The following EEFSEC variants were observed in gnomAD, a reference collection of about 807,000 sequenced individuals.
EEFSEC encodes eukaryotic elongation factor, selenocysteine-tRNA specific, also known as selenocysteine-specific elongation factor.
In EEFSEC, 43 loss-of-function variants were observed where a neutral mutation model predicts 42.1. The ratio of observed to expected loss-of-function variants is 1.02; its 90% CI spans 0.80 to 1.32. EEFSEC has a LOEUF of 1.32. Among genes scored for constraint, EEFSEC ranks in the 40% most tolerant of loss-of-function variants. The probability of loss-of-function intolerance (pLI) is 0.00; values close to 1 mark genes in which losing one functional copy is unlikely to be tolerated. For synonymous variants in EEFSEC, 354 were observed against 339.1 expected (o/e 1.04, Z -0.48); for missense variants, 745 against 803.6 (o/e 0.93, Z 0.88).
chr3:128,245,450 G>A (rs1206277296), intron 1 of EEFSEC, among the ~76,000 whole-genome samples: 2 of 152,198 alleles, frequency 1.3e-5, no homozygotes, highest in African/African-American at 4.8e-5. Context: ...CTGCTGCTGC[G>A]TGCACCTGAG....
intron 5 of EEFSEC, 117 bp downstream of exon 5, chr3:128,342,006 A>G: frequency 7.4e-7 from 1 of 1,359,572 alleles, no homozygotes; most frequent in East Asian, 2.5e-5. Flanking sequence ...TCTGGTGCCA[A>G]CCTCTGTAGT....
rs2065300117 is a variant in EEFSEC, at chr3:128,171,831, T to C, written c.316+18008T>C. On this transcript the variant is annotated intron_variant, in intron 1 of 6. Transcript: ENST00000254730. ...TTCAACCAATTGAAGATTGAAAATA[T>C]TAAAAAAAAAAAAAATGAAAACAAC... Among the ~76,000 whole-genome samples, 7 of 105,684 alleles carry C rather than the reference T, an allele frequency of 6.6e-5. No homozygotes were observed. In the South Asian group the frequency reaches 1.9e-3, roughly 29 times the overall value. 69.3% of individuals were successfully genotyped at this position (105,684 alleles called of 152,430 possible).
chr3:128,386,480 T>TGGGG (rs373890750), intron 6 of EEFSEC, among the ~76,000 whole-genome samples: 4,241 of 147,104 alleles, frequency 0.029, 79 homozygotes, highest in African/African-American at 0.056. Flanking sequence ...AGACAGGCAG[T>TGGGG]GGGGGGGGGA....
intron 6 of EEFSEC, among the ~76,000 whole-genome samples, chr3:128,363,418 T>C (rs747331286): frequency 6.6e-6 from 1 of 152,244 alleles, no homozygotes; most frequent in African/African-American, 2.4e-5. Context: ...CACACCATGA[T>C]GCCTTATAGG....
intron 1 of EEFSEC, among the ~76,000 whole-genome samples, chr3:128,194,561 A>C (rs2065561646): frequency 6.6e-6 from 1 of 152,226 alleles, no homozygotes; most frequent in African/African-American, 2.4e-5. Flanking sequence ...TCTTTCAGGG[A>C]ATAATCTGAA....
At chr3:128,264,148 G>A (rs1388100469) in intron 3 of EEFSEC, among the ~76,000 whole-genome samples, 1 of 152,194 alleles carries the variant, frequency 6.6e-6, no homozygotes, top group Non-Finnish European at 1.5e-5. Context: ...GCTGGCGGCT[G>A]GCTTCTGGCA....
intron 6 of EEFSEC, among the ~76,000 whole-genome samples, chr3:128,376,899 G>A (rs1187763058): frequency 6.6e-6 from 1 of 152,122 alleles, no homozygotes; most frequent in African/African-American, 2.4e-5. Context: ...TCACACTGTG[G>A]GCTAATTTCC....
At chr3:128,162,344 A>G (rs1009587748) in intron 1 of EEFSEC, among the ~76,000 whole-genome samples, 5 of 152,352 alleles carry the variant, frequency 3.3e-5, no homozygotes, top group Admixed American at 2.6e-4. Context: ...CACTTGCTTC[A>G]AAGACTCTTA....
At chr3:128,367,891 G>A (rs990574073) in intron 6 of EEFSEC, 82 of 975,010 alleles carry the variant, frequency 8.4e-5, no homozygotes, top group African/African-American at 7.9e-4. Context: ...TCAGGCTAGG[G>A]CTCTGCTGAA....
chr3:128,296,844 C>T (rs2066711560), intron 4 of EEFSEC, among the ~76,000 whole-genome samples: 1 of 152,162 alleles, frequency 6.6e-6, no homozygotes, highest in Non-Finnish European at 1.5e-5. Context: ...GGCCAGAAGG[C>T]CCCCAGTGGC....
intron 3 of EEFSEC, among the ~76,000 whole-genome samples, chr3:128,262,866 A>C (rs2066312825): frequency 6.6e-6 from 1 of 152,208 alleles, no homozygotes; most frequent in African/African-American, 2.4e-5. Flanking sequence ...ATGGAGCCAC[A>C]GAGTTCCTCC....
chr3:128,420,039 G>T, the EEFSEC span, among the ~76,000 whole-genome samples: 1 of 152,198 alleles, frequency 6.6e-6, no homozygotes. Context: ...GACAGAGACA[G>T]TGAGAGGCGC....
intron 1 of EEFSEC, among the ~76,000 whole-genome samples, chr3:128,188,632 T>G (rs1338209836): frequency 1.3e-5 from 2 of 152,234 alleles, no homozygotes; most frequent in Non-Finnish European, 2.9e-5. Flanking sequence ...TTGGTATTAT[T>G]GTTCCACAGT....
At chr3:128,418,388 C>T in the EEFSEC span, among the ~76,000 whole-genome samples, 93 of 151,828 alleles carry the variant, frequency 6.1e-4, no homozygotes, top group Admixed American at 7.2e-4. Flanking sequence ...CAACAGCAGG[C>T]GGCTCTGCCC....
At chr3:128,356,059 G>A (rs2067449535) in intron 5 of EEFSEC, among the ~76,000 whole-genome samples, 1 of 152,228 alleles carries the variant, frequency 6.6e-6, no homozygotes, top group African/African-American at 2.4e-5. Flanking sequence ...AAAGGCTGTG[G>A]GCTGTGAGAT....
intron 6 of EEFSEC, among the ~76,000 whole-genome samples, chr3:128,389,715 A>AT (rs1276790413): frequency 2.0e-5 from 3 of 152,266 alleles, no homozygotes; most frequent in Non-Finnish European, 4.4e-5. Flanking sequence ...GGAGCATGGC[A>AT]TGCTTGACCT....
intron 4 of EEFSEC, among the ~76,000 whole-genome samples, chr3:128,304,848 C>T (rs1055836105): frequency 2.0e-5 from 3 of 152,128 alleles, no homozygotes; most frequent in African/African-American, 2.4e-5. Context: ...GGGCCACAGG[C>T]GTGTACCACC....
Position 128,408,525 on chromosome 3 carries a change from T to C in EEFSEC, c.*266T>C. 2.7e-6 allele frequency: 1 copy of C among 367,836 alleles called. No homozygotes were observed. The highest frequency in any genetic ancestry group is 4.1e-5 in the East Asian group (1 of 24,542). The allele number at this position is 367,836 out of a possible 1,614,324, so 22.8% of individuals were successfully genotyped here. A position where few individuals can be genotyped will look rare whatever the true frequency, so the allele number is the denominator to read the frequency against. ...TAGGAAAGGGCCATGGGCAGAGGGC[T>C]GGTAGCCAGTATCTTCCACTGCCCC... On this transcript the variant is annotated 3_prime_UTR_variant, in exon 7 of 7. Transcript: ENST00000254730.
At chr3:128,279,099 C>CGG (rs2066497714) in intron 4 of EEFSEC, among the ~76,000 whole-genome samples, 1 of 152,176 alleles carries the variant, frequency 6.6e-6, no homozygotes, top group African/African-American at 2.4e-5. Flanking sequence ...GGCCGGCCGC[C>CGG]AGAGGGAACG....
Sources: allele counts gnomAD v4.1 joint callset (sites outside exome capture counted in the v4.1 genomes callset), GRCh38; gene constraint gnomAD v4.1.1; transcripts MANE v1.5; gene names NCBI Gene and HGNC (gene_info 2026-07-23, HGNC 2026-07-21).